ASXL3: variants seen among roughly 807,000 people sequenced by gnomAD.
The protein encoded by ASXL3 is putative Polycomb group protein ASXL3.
Under a neutral mutation model 170.6 loss-of-function variants are expected in ASXL3, and 34 were observed. That is an observed-to-expected ratio of 0.20 (90% confidence interval 0.15 to 0.27). The LOEUF (loss-of-function observed/expected upper bound fraction) is 0.27. Ranked by LOEUF, ASXL3 falls within the 10% of genes least tolerant of loss-of-function variation. ASXL3 has a pLI of 1.00. For missense variants in ASXL3, 2,592 were observed against 2,695.3 expected, an observed-to-expected ratio of 0.96 and a Z score of 0.85; for synonymous variants, 1,002 against 989.1, an observed-to-expected ratio of 1.01 and a Z score of -0.24.
chr18:33,611,985 G>C (rs2065342308), intron 2 of ASXL3, among the ~76,000 whole-genome samples: 1 of 151,994 alleles, frequency 6.6e-6, no homozygotes, highest in African/African-American at 2.4e-5. Context: ...GGGGCTGCAA[G>C]GTTATGGAGT....
intron 8 of ASXL3, among the ~76,000 whole-genome samples, chr18:33,723,700 A>G (rs549935621): frequency 5.1e-4 from 78 of 152,314 alleles, no homozygotes; most frequent in Non-Finnish European, 5.1e-4. Flanking sequence ...ATTGACTCCA[A>G]TTTTGAAAGA....
intron 3 of ASXL3, among the ~76,000 whole-genome samples, chr18:33,645,995 A>G (rs1344028869): frequency 2.0e-5 from 3 of 151,966 alleles, no homozygotes; most frequent in Non-Finnish European, 2.9e-5. Flanking sequence ...TGGAAACAAC[A>G]TATGTCAAAA....
intron 8 of ASXL3, among the ~76,000 whole-genome samples, chr18:33,709,507 G>A (rs965056983): frequency 6.6e-6 from 1 of 152,152 alleles, no homozygotes; most frequent in African/African-American, 2.4e-5. Context: ...CAAATACAAT[G>A]TTGAGCATAA....
chr18:33,704,188 CTA>C (rs1339386369), intron 8 of ASXL3, among the ~76,000 whole-genome samples: 1 of 152,096 alleles, frequency 6.6e-6, no homozygotes, highest in Non-Finnish European at 1.5e-5. Context: ...CGTCTTATTT[CTA>C]TGACTAAAAA....
At chr18:33,644,090 A>G (rs750502871) in intron 2 of ASXL3, among the ~76,000 whole-genome samples, 9 of 151,986 alleles carry the variant, frequency 5.9e-5, no homozygotes, top group Non-Finnish European at 1.0e-4. Flanking sequence ...TATTTTATAA[A>G]CATCATTCAA....
chr18:33,647,476 TGTGGTAATG>T (rs1447835382), intron 4 of ASXL3, among the ~76,000 whole-genome samples: 1 of 152,016 alleles, frequency 6.6e-6, no homozygotes, highest in Non-Finnish European at 1.5e-5. Context: ...CCCCAATTGT[TGTGGTAATG>T]GTGGAACCCT....
At chr18:33,679,717 CATT>C (rs2066484485) in intron 7 of ASXL3, among the ~76,000 whole-genome samples, 1 of 151,976 alleles carries the variant, frequency 6.6e-6, no homozygotes, top group Non-Finnish European at 1.5e-5. Context: ...ACACATTTAT[CATT>C]CTCTTTTCAG....
intron 10 of ASXL3, among the ~76,000 whole-genome samples, chr18:33,735,655 G>T (rs2067532949): frequency 6.6e-6 from 1 of 152,114 alleles, no homozygotes; most frequent in South Asian, 2.1e-4. Flanking sequence ...TAAGATTAAA[G>T]ACCACTTAGG....
intron 2 of ASXL3, among the ~76,000 whole-genome samples, chr18:33,635,514 T>C (rs1434064039): frequency 6.6e-6 from 1 of 152,228 alleles, no homozygotes; most frequent in Non-Finnish European, 1.5e-5. Context: ...GCTAATGTTA[T>C]TACTGGAAGA....
Position 33,671,882 on chromosome 18 carries a change from A to T in ASXL3, c.715+16A>T. ...TCTGGTTTAGGTGAGTGTTTAATAGACTATGCCATTTCACATTTTAGAAAT... is the reference window on the plus strand; with the variant it reads ...TCTGGTTTAGGTGAGTGTTTAATAGTCTATGCCATTTCACATTTTAGAAAT... On this transcript the variant is annotated intron_variant, in intron 7 of 11. Transcript: ENST00000269197. 6.6e-7 allele frequency: 1 copy of T among 1,509,176 alleles called. No individual in the cohort carries two copies. The highest frequency in any genetic ancestry group is 1.4e-5 in the South Asian group (1 of 72,226). The allele number at this position is 1,509,176 out of a possible 1,614,324, so 93.5% of individuals were successfully genotyped here.
At chr18:33,704,487 A>G (rs2066926209) in intron 8 of ASXL3, among the ~76,000 whole-genome samples, 1 of 152,054 alleles carries the variant, frequency 6.6e-6, no homozygotes, top group Non-Finnish European at 1.5e-5. Context: ...TCACAATAAT[A>G]CAAATGCATT....
chr18:33,673,405 G>A (rs146518844), intron 7 of ASXL3, among the ~76,000 whole-genome samples: 10 of 145,868 alleles, frequency 6.9e-5, no homozygotes, highest in African/African-American at 1.3e-4. Context: ...ACAGGGTTTC[G>A]CTCTTGTTGC....
chr18:33,606,883 G>T (rs767809240), intron 1 of ASXL3, among the ~76,000 whole-genome samples: 5 of 151,890 alleles, frequency 3.3e-5, no homozygotes, highest in Non-Finnish European at 7.4e-5. Context: ...GATGGTCTAA[G>T]ACCTGTGGAA....
At chr18:33,670,471 C>T (rs2066322477) in intron 5 of ASXL3, among the ~76,000 whole-genome samples, 1 of 152,088 alleles carries the variant, frequency 6.6e-6, no homozygotes, top group Non-Finnish European at 1.5e-5. Context: ...GGCTTATACC[C>T]TTTGCCAAAG....
At chr18:33,722,863 C>T (rs1405395919) in intron 8 of ASXL3, among the ~76,000 whole-genome samples, 1 of 152,100 alleles carries the variant, frequency 6.6e-6, no homozygotes, top group Non-Finnish European at 1.5e-5. Flanking sequence ...CAGCTGGTGG[C>T]TTTAAGTGGA....
At chr18:33,658,966 A>G (rs2066128184) in intron 4 of ASXL3, among the ~76,000 whole-genome samples, 1 of 152,102 alleles carries the variant, frequency 6.6e-6, no homozygotes, top group Admixed American at 6.6e-5. Context: ...TACAACATAT[A>G]TAAATAGATG....
Position 33,595,640 on chromosome 18 carries a change from C to T in ASXL3, c.55-11954C>T, listed in dbSNP as rs117920239. Among the ~76,000 whole-genome samples, 195 of 152,310 alleles carry T rather than the reference C, an allele frequency of 1.3e-3. 1 individual carries two copies. The highest frequency in any genetic ancestry group is 2.2e-3 in the Non-Finnish European group (151 of 68,022). On this transcript the variant is annotated intron_variant, in intron 1 of 11. Coordinates refer to ENST00000269197, the MANE Select transcript of ASXL3 (RefSeq NM_030632.3). ...ATGAAAGTAACTAGGACTCTCCCAT[C>T]CTCTCTCTGCAGAGTATGCTTATTT...
intron 1 of ASXL3, among the ~76,000 whole-genome samples, chr18:33,595,690 G>A (rs974445053): frequency 1.3e-5 from 2 of 152,090 alleles, no homozygotes; most frequent in African/African-American, 4.8e-5. Flanking sequence ...ACATGCCTAC[G>A]AACATAGCTT....
chr18:33,739,607 C>G lies in ASXL3; in HGVS notation c.2203C>G (p.Leu735Val). ...AGAAACTTCTTCAGTGTCTTCCATG[C>G]TTCTCACCTCTGAGACCACTTTTGT... ...TSETSSVSSM[L>V]LTSETTFVSS... Residue 735 changes from leucine (L) to valine (V), a missense_variant, in exon 11 of 12, where the codon CTT becomes GTT. Physicochemically the swap from Leu to Val is conservative, Grantham distance 32. Transcript: ENST00000269197. 6.2e-7 allele frequency: 1 copy of G among 1,613,990 alleles called. No homozygotes were observed. The highest frequency in any genetic ancestry group is 1.1e-5 in the South Asian group (1 of 91,086).
Sources: allele counts gnomAD v4.1 joint callset (sites outside exome capture counted in the v4.1 genomes callset), GRCh38; gene constraint gnomAD v4.1.1; transcripts MANE v1.5; gene names NCBI Gene and HGNC (gene_info 2026-07-23, HGNC 2026-07-21).